The following USP12 variants were observed in gnomAD, a reference collection of about 807,000 sequenced individuals.
The protein encoded by USP12 is ubiquitin carboxyl-terminal hydrolase 12.
In USP12, 19 loss-of-function variants were observed where a neutral mutation model predicts 45.5. The observed-to-expected ratio is 0.42, with a 90% CI of 0.29 to 0.61. USP12 has a LOEUF of 0.61. USP12 is among the 20% of genes least tolerant of loss of function. The pLI, the probability that USP12 is intolerant of heterozygous loss-of-function variation, is 0.22. For missense variants in USP12, 242 were observed against 447.7 expected, an observed-to-expected ratio of 0.54 and a Z score of 4.15; for synonymous variants, 149 against 148.8, an observed-to-expected ratio of 1.00 and a Z score of -0.01.
At chr13:27,164,302 C>A (rs1878252423) in intron 1 of USP12, among the ~76,000 whole-genome samples, 1 of 152,190 alleles carries the variant, frequency 6.6e-6, no homozygotes, top group Non-Finnish European at 1.5e-5. Context: ...AAATAAACAT[C>A]TACTTCTTGT....
intron 1 of USP12, among the ~76,000 whole-genome samples, chr13:27,156,194 C>T (rs186191845): frequency 3.4e-3 from 490 of 146,166 alleles, no homozygotes; most frequent in Non-Finnish European, 4.0e-3. Context: ...TTTTCCACCA[C>T]CACTTGTACC....
At position 27,171,681 on chromosome 13, in the gene USP12, G is replaced by C; in HGVS notation, c.-42C>G. The C allele has an allele frequency of 8.3e-7, 1 of 1,204,848 alleles. No individual in the cohort carries two copies. Among genetic ancestry groups the C allele is most frequent in the Non-Finnish European group, 1.1e-6 (1 of 937,554 alleles). The allele number at this position is 1,204,848 out of a possible 1,614,324, so 74.6% of individuals were successfully genotyped here. On this transcript the variant is annotated 5_prime_UTR_variant, in exon 1 of 9. Transcript: ENST00000282344. Reference sequence around the variant, plus strand: ...TCCACCCAATCACAGCGGCGGCGGCGGGCGGGGGAGGAGGGGAGCCGGGCC... The same window carrying C: ...TCCACCCAATCACAGCGGCGGCGGCCGGCGGGGGAGGAGGGGAGCCGGGCC...
chr13:27,069,486 G>A, intron 8 of USP12, 102 bp from the exon 9 acceptor site: 1 of 888,308 alleles, frequency 1.1e-6, no homozygotes, highest in Non-Finnish European at 1.8e-6. Context: ...GTGAAAATGT[G>A]GGGAAAATGG....
intron 1 of USP12, among the ~76,000 whole-genome samples, chr13:27,152,178 C>T (rs1226531656): frequency 6.6e-6 from 1 of 152,126 alleles, no homozygotes; most frequent in Non-Finnish European, 1.5e-5. Flanking sequence ...AAGCTTGCAC[C>T]CCCAATGTTT....
intron 3 of USP12, among the ~76,000 whole-genome samples, chr13:27,101,318 C>A (rs1246264186): frequency 1.3e-5 from 2 of 152,178 alleles, no homozygotes; most frequent in African/African-American, 4.8e-5. Flanking sequence ...TCAGGACAAT[C>A]CCTGTGAACT....
At chr13:27,110,620 A>C (rs1242602729) in intron 2 of USP12, among the ~76,000 whole-genome samples, 1 of 152,194 alleles carries the variant, frequency 6.6e-6, no homozygotes, top group Non-Finnish European at 1.5e-5. Context: ...GAGGCGCTTA[A>C]GCTTAAGAGG....
At chr13:27,069,428 A>G (rs754554226) in intron 8 of USP12, 44 bp from the exon 9 acceptor site, 1 of 1,409,412 alleles carries the variant, frequency 7.1e-7, no homozygotes, top group Non-Finnish European at 1.0e-6. Flanking sequence ...TGAGCTCTGT[A>G]CAGCCAGAAT....
intron 7 of USP12, among the ~76,000 whole-genome samples, chr13:27,073,130 G>A (rs1873320983): frequency 6.6e-6 from 1 of 152,038 alleles, no homozygotes; most frequent in South Asian, 2.1e-4. Flanking sequence ...CTGGGCAGAA[G>A]AGCGTCAAGG....
chr13:27,122,733 G>T (rs369741932), intron 1 of USP12, among the ~76,000 whole-genome samples: 3 of 152,058 alleles, frequency 2.0e-5, no homozygotes, highest in Non-Finnish European at 4.4e-5. Context: ...GTTAATATCA[G>T]ATAGTACTTT....
rs1555234500 is a variant in USP12 at position 27,103,606 on chromosome 13, A to AAAAAAAAT, written c.343+2124_343+2125insATTTTTTT. On this transcript the variant is annotated intron_variant, in intron 3 of 8. Transcript: ENST00000282344. ...AGTAACTATTGAACTATCAAAAAAA[A>AAAAAAAAT]AAATAATAATAATAATAATAATAAG... Among the ~76,000 whole-genome samples the AAAAAAAAT allele has an allele frequency of 2.3e-3, 267 of 118,304 alleles. 1 individual carries two copies. Among genetic ancestry groups the AAAAAAAAT allele is most frequent in the Non-Finnish European group, 3.8e-3 (225 of 59,236 alleles). The allele number at this position is 118,304 out of a possible 152,430, so 77.6% of individuals were successfully genotyped here. A position where few individuals can be genotyped will look rare whatever the true frequency, so the allele number is the denominator to read the frequency against.
chr13:27,080,637 A>C (rs1347260510), intron 6 of USP12, among the ~76,000 whole-genome samples: 1 of 152,202 alleles, frequency 6.6e-6, no homozygotes, highest in African/African-American at 2.4e-5. Context: ...TACTGTCACT[A>C]ATCATTGGAT....
At chr13:27,091,990 G>A (rs142520776) in intron 4 of USP12, among the ~76,000 whole-genome samples, 3 of 152,250 alleles carry the variant, frequency 2.0e-5, no homozygotes, top group East Asian at 1.9e-4. Context: ...ATACACATAC[G>A]ATAACACACT....
intron 6 of USP12, among the ~76,000 whole-genome samples, chr13:27,075,769 C>A (rs1452498362): frequency 6.6e-6 from 1 of 152,002 alleles, no homozygotes; most frequent in East Asian, 1.9e-4. Flanking sequence ...GTGGCTCACG[C>A]CTGTAATCCC....
At chr13:27,108,485 T>C (rs1230553254) in intron 2 of USP12, among the ~76,000 whole-genome samples, 4 of 150,930 alleles carry the variant, frequency 2.7e-5, no homozygotes, top group African/African-American at 9.8e-5. Context: ...TATACATATG[T>C]AGCTAACCTG....
intron 1 of USP12, among the ~76,000 whole-genome samples, chr13:27,166,127 A>G (rs1234208365): frequency 1.3e-5 from 2 of 152,164 alleles, no homozygotes; most frequent in Admixed American, 1.3e-4. Context: ...ACTTTCCCAT[A>G]TATACACATC....
At chr13:27,140,752 C>T (rs1043876682) in intron 1 of USP12, among the ~76,000 whole-genome samples, 8 of 152,114 alleles carry the variant, frequency 5.3e-5, no homozygotes, top group Non-Finnish European at 1.5e-5. Context: ...AAGATTTTAA[C>T]TTAAAATTCC....
chr13:27,069,002 C>A lies in USP12; in HGVS notation c.*281G>T. 2.3e-6 allele frequency: 1 copy of A among 431,478 alleles called. No individual in the cohort carries two copies. The highest frequency in any genetic ancestry group is 3.1e-5 in the South Asian group (1 of 31,866). 26.7% of individuals were successfully genotyped at this position (431,478 alleles called of 1,614,324 possible). ...GCAATTAATAAAGAGAAAATGCGTG[C>A]CAATGACTGGAAGGCTGTTTTAAAA... On this transcript the variant is annotated 3_prime_UTR_variant, in exon 9 of 9. Coordinates refer to ENST00000282344, the MANE Select transcript of USP12 (RefSeq NM_182488.4).
intron 1 of USP12, among the ~76,000 whole-genome samples, chr13:27,127,604 C>T (rs1382394746): frequency 6.6e-6 from 1 of 152,144 alleles, no homozygotes; most frequent in Non-Finnish European, 1.5e-5. Flanking sequence ...CCCATTCTCC[C>T]ACCTACCCTC....
At chr13:27,160,005 G>A (rs545488895) in intron 1 of USP12, among the ~76,000 whole-genome samples, 8 of 152,174 alleles carry the variant, frequency 5.3e-5, no homozygotes, top group African/African-American at 7.2e-5. Context: ...CTGAAAGAGC[G>A]GAATTGCGAA....
Sources: allele counts gnomAD v4.1 joint callset (sites outside exome capture counted in the v4.1 genomes callset), GRCh38; gene constraint gnomAD v4.1.1; transcripts MANE v1.5; gene names NCBI Gene and HGNC (gene_info 2026-07-23, HGNC 2026-07-21).